The following GAS7 variants were observed in gnomAD, a reference collection of about 807,000 sequenced individuals.
The protein encoded by GAS7 is growth arrest specific 7.
A neutral mutation model predicts 71.1 loss-of-function variants in GAS7; 28 were observed. The ratio of observed to expected loss-of-function variants is 0.39; its 90% CI spans 0.29 to 0.54. The LOEUF (loss-of-function observed/expected upper bound fraction) is 0.54, where lower values mean the gene tolerates loss of function less well. GAS7 is among the 20% of genes least tolerant of loss of function. The pLI is 0.62. For missense variants in GAS7, 436 were observed against 627.8 expected (o/e 0.69, Z 3.27); for synonymous variants, 258 against 245.8 (o/e 1.05, Z -0.46).
At chr17:10,028,605 C>G in intron 1 of GAS7, among the ~76,000 whole-genome samples, 1 of 150,324 alleles carries the variant, frequency 6.7e-6, no homozygotes, top group East Asian at 1.9e-4. Context: ...GCAACCTCAA[C>G]AAAGGGCAGG....
chr17:10,097,904 G>T (rs1435633986), intron 1 of GAS7, among the ~76,000 whole-genome samples: 1 of 152,088 alleles, frequency 6.6e-6, no homozygotes, highest in Admixed American at 6.6e-5. Context: ...ATTAGCCACA[G>T]GTGGTGGCAG....
intron 1 of GAS7, among the ~76,000 whole-genome samples, chr17:10,069,636 C>A (rs2073319608): frequency 6.6e-6 from 1 of 152,160 alleles, no homozygotes; most frequent in Non-Finnish European, 1.5e-5. Context: ...GTCCATTTGA[C>A]CCCACAGCCG....
In GAS7 at chr17:9,926,084, G is replaced by A. The variant is rs541770626; in HGVS notation, c.1015-485C>T. Among the ~76,000 whole-genome samples, 4 of 151,982 alleles carry A rather than the reference G, an allele frequency of 2.6e-5. No individual in the cohort carries two copies. Among genetic ancestry groups the A allele is most frequent in the East Asian group, 3.9e-4 (2 of 5,144 alleles). On this transcript the variant is annotated intron_variant, in intron 10 of 13. Transcript: ENST00000432992. The surrounding 1 kb of genome is among the most constrained non-coding windows in gnomAD (Gnocchi z 5.0). ...GGCATCTCTGTGGTCCTTGGGTGGCGGCAGTTGGCTGGGCCCAGGGTGTCC... is the reference window on the plus strand; with the variant it reads ...GGCATCTCTGTGGTCCTTGGGTGGCAGCAGTTGGCTGGGCCCAGGGTGTCC...
intron 1 of GAS7, among the ~76,000 whole-genome samples, chr17:10,079,406 C>A (rs1452206270): frequency 1.3e-5 from 2 of 152,180 alleles, no homozygotes; most frequent in African/African-American, 2.4e-5. Flanking sequence ...AGACATGCTT[C>A]ATTACAACCC....
chr17:9,948,116 C>T (rs1235864325), intron 5 of GAS7, among the ~76,000 whole-genome samples: 1 of 152,240 alleles, frequency 6.6e-6, no homozygotes, highest in Non-Finnish European at 1.5e-5. Context: ...GGCTTCTACT[C>T]AACAAGAGGC....
intron 1 of GAS7, among the ~76,000 whole-genome samples, chr17:10,132,305 T>TA (rs1567604704): frequency 6.6e-6 from 1 of 151,926 alleles, no homozygotes; most frequent in East Asian, 1.9e-4. Context: ...TGGCACCTTC[T>TA]CCCCTGAAGA....
At chr17:9,936,064 C>T (rs941248622) in intron 8 of GAS7, among the ~76,000 whole-genome samples, 1 of 152,168 alleles carries the variant, frequency 6.6e-6, no homozygotes, top group East Asian at 1.9e-4. Flanking sequence ...ATCTTTTTAA[C>T]AAATGGTGCA....
At chr17:10,065,136 G>A (rs2073267878) in intron 1 of GAS7, among the ~76,000 whole-genome samples, 1 of 152,188 alleles carries the variant, frequency 6.6e-6, no homozygotes, top group Non-Finnish European at 1.5e-5. Flanking sequence ...ACATTTAATA[G>A]AAAGAGTCCT....
At chr17:10,153,374 G>C (rs1273936602) in intron 1 of GAS7, among the ~76,000 whole-genome samples, 2 of 151,860 alleles carry the variant, frequency 1.3e-5, no homozygotes, top group South Asian at 4.2e-4. Context: ...AAAATTAGCC[G>C]GGTGTGGTGG....
chr17:10,162,066 C>CAGAA (rs2074260918), intron 1 of GAS7, among the ~76,000 whole-genome samples: 1 of 103,618 alleles, frequency 9.7e-6, no homozygotes, highest in African/African-American at 3.8e-5. Context: ...GACTCCATCT[C>CAGAA]AAAAAAAAAA....
At position 9,926,703 on chromosome 17, in the gene GAS7, A is replaced by T; in HGVS notation, c.952T>A (p.Cys318Ser). 3.7e-6 allele frequency: 6 copies of T among 1,613,764 alleles called. No homozygotes were observed. Among genetic ancestry groups the T allele is most frequent in the Non-Finnish European group, 5.1e-6 (6 of 1,179,898 alleles). ...RENFKKDMKK[C>S]DHHIADLRKQ... ...CGAAGGTCGGCAATGTGGTGGTCGC[A>T]CTTCTTCATGTCTTTCTTGAAGTTC... The change falls in exon 10 of 14, where the codon TGC becomes AGC. Residue 318 changes from cysteine (C) to serine (S), a missense_variant. Cys to Ser is a moderately radical substitution (Grantham distance 112). Coordinates refer to ENST00000432992, the MANE Select transcript of GAS7 (RefSeq NM_201433.2). The surrounding 1 kb of genome is among the most constrained non-coding windows in gnomAD (Gnocchi z 5.0).
intron 2 of GAS7, among the ~76,000 whole-genome samples, chr17:10,014,958 A>G (rs1387852857): frequency 6.6e-6 from 1 of 152,132 alleles, no homozygotes; most frequent in African/African-American, 2.4e-5. Context: ...AATCAAGACC[A>G]TGCTGGCCAA....
intron 1 of GAS7, among the ~76,000 whole-genome samples, chr17:10,084,785 T>G (rs1415343232): frequency 6.6e-6 from 1 of 152,162 alleles, no homozygotes; most frequent in Non-Finnish European, 1.5e-5. Flanking sequence ...TATATCTTAA[T>G]AGCAGCCCGC....
chr17:9,943,841 TTCAC>T (rs1223600301), intron 6 of GAS7, among the ~76,000 whole-genome samples: 1 of 152,180 alleles, frequency 6.6e-6, no homozygotes, highest in Admixed American at 6.5e-5. Flanking sequence ...GGCCAAGTTC[TTCAC>T]TCACTCCAGG....
intron 3 of GAS7, among the ~76,000 whole-genome samples, chr17:9,972,121 G>A (rs753290089): frequency 6.6e-6 from 1 of 152,208 alleles, no homozygotes; most frequent in Non-Finnish European, 1.5e-5. Flanking sequence ...TAGTACAGTA[G>A]AAGCTTGAGG....
At chr17:9,960,529 G>A (rs2069442541) in intron 4 of GAS7, among the ~76,000 whole-genome samples, 2 of 152,220 alleles carry the variant, frequency 1.3e-5, no homozygotes, top group South Asian at 4.1e-4. Flanking sequence ...GGAAGTGGCT[G>A]TCACTTTATA....
At chr17:9,980,108 C>A (rs1036291559) in intron 3 of GAS7, among the ~76,000 whole-genome samples, 1 of 151,912 alleles carries the variant, frequency 6.6e-6, no homozygotes, top group Non-Finnish European at 1.5e-5. Flanking sequence ...TTTTGAAAAC[C>A]TAAAATAATT....
At chr17:10,107,957 C>G (rs144983652) in intron 1 of GAS7, among the ~76,000 whole-genome samples, 60 of 152,078 alleles carry the variant, frequency 3.9e-4, no homozygotes, top group Non-Finnish European at 6.9e-4. Context: ...CCAGTGGGAG[C>G]TGGGCAGGAG....
chr17:9,951,162 T>C (rs1445748911), intron 5 of GAS7, among the ~76,000 whole-genome samples: 2 of 152,266 alleles, frequency 1.3e-5, no homozygotes, highest in Non-Finnish European at 2.9e-5. Context: ...ACAGATTCCT[T>C]ATTTTGTATT....
Sources: allele counts gnomAD v4.1 joint callset (sites outside exome capture counted in the v4.1 genomes callset), GRCh38; gene constraint gnomAD v4.1.1; non-coding constraint Gnocchi (gnomAD v3.1); transcripts MANE v1.5; gene names NCBI Gene and HGNC (gene_info 2026-07-23, HGNC 2026-07-21).